The following HDAC9 variants were observed in gnomAD, a reference collection of about 807,000 sequenced individuals.
The protein encoded by HDAC9 is MEF-2 interacting transcription repressor (MITR) protein.
Under a neutral mutation model 139.4 loss-of-function variants are expected in HDAC9, and 41 were observed. The ratio of observed to expected loss-of-function variants is 0.29; its 90% CI spans 0.23 to 0.38. The LOEUF (loss-of-function observed/expected upper bound fraction) is 0.38, where lower values mean the gene tolerates loss of function less well. Ranked by LOEUF, HDAC9 falls within the 10% of genes least tolerant of loss-of-function variation. The probability of loss-of-function intolerance (pLI) is 1.00; values close to 1 mark genes in which losing one functional copy is unlikely to be tolerated. For synonymous variants in HDAC9, 517 were observed against 476.2 expected (o/e 1.09, Z -1.12); for missense variants, 1,147 against 1,297.0 (o/e 0.88, Z 1.78).
intron 16 of HDAC9, among the ~76,000 whole-genome samples, chr7:18,785,002 A>T (rs1297616481): frequency 6.6e-6 from 1 of 151,898 alleles, no homozygotes; most frequent in Non-Finnish European, 1.5e-5. Context: ...TGTTTTGTAT[A>T]GACTCATAAA....
chr7:18,436,363 T>C (rs1035386320), intron 1 of HDAC9, among the ~76,000 whole-genome samples: 3 of 152,158 alleles, frequency 2.0e-5, no homozygotes, highest in Non-Finnish European at 2.9e-5. Context: ...TCTTTGAAAG[T>C]TGGTGTAATC....
chr7:18,676,683 TA>T (rs1334504135), intron 12 of HDAC9, among the ~76,000 whole-genome samples: 1 of 151,972 alleles, frequency 6.6e-6, no homozygotes, highest in Non-Finnish European at 1.5e-5. Context: ...GACAAACTCA[TA>T]AAAATATCCA....
At chr7:18,691,297 T>C (rs1022142616) in intron 12 of HDAC9, among the ~76,000 whole-genome samples, 1 of 152,196 alleles carries the variant, frequency 6.6e-6, no homozygotes, top group Middle Eastern at 3.4e-3. Context: ...ATTTAACATG[T>C]CCTCATTAAT....
chr7:18,614,510 TC>T (rs1162974111), intron 6 of HDAC9, among the ~76,000 whole-genome samples: 1 of 152,182 alleles, frequency 6.6e-6, no homozygotes, highest in Non-Finnish European at 1.5e-5. Flanking sequence ...TATTTTTTTT[TC>T]TTCCATAATG....
chr7:18,578,065 G>T (rs565704525), intron 2 of HDAC9: 14 of 499,684 alleles, frequency 2.8e-5, no homozygotes, highest in African/African-American at 2.7e-4. Context: ...ACTTTTGGGA[G>T]CTAGAATCCC....
At chr7:18,768,901 A>G (rs116636626) in intron 16 of HDAC9, among the ~76,000 whole-genome samples, 73 of 152,286 alleles carry the variant, frequency 4.8e-4, no homozygotes, top group African/African-American at 1.7e-3. Context: ...TATTCAATAA[A>G]CTACATGAGA....
intron 21 of HDAC9, among the ~76,000 whole-genome samples, chr7:18,873,438 T>G (rs1465579884): frequency 6.6e-6 from 1 of 152,186 alleles, no homozygotes; most frequent in Non-Finnish European, 1.5e-5. Flanking sequence ...ATATTTTTAT[T>G]GCATAACTGC....
chr7:18,410,729 G>T (rs1046922256), intron 1 of HDAC9, among the ~76,000 whole-genome samples: 3 of 152,090 alleles, frequency 2.0e-5, no homozygotes, highest in Non-Finnish European at 4.4e-5. Flanking sequence ...CAGGAAAGAA[G>T]AATCATCAAC....
At chr7:18,991,459 A>ACC (rs1785948672) in intron 25 of HDAC9, among the ~76,000 whole-genome samples, 1 of 152,126 alleles carries the variant, frequency 6.6e-6, no homozygotes, top group Admixed American at 6.5e-5. Context: ...AACACGGTGA[A>ACC]ACCCTGTCTC....
At chr7:18,487,061 C>G (rs541968236) in intron 1 of HDAC9, among the ~76,000 whole-genome samples, 15 of 152,116 alleles carry the variant, frequency 9.9e-5, no homozygotes, top group Admixed American at 7.2e-4. Flanking sequence ...GCTTCTATCT[C>G]CCTTCTGTGA....
chr7:18,948,238 A>T (rs528113226), intron 23 of HDAC9, among the ~76,000 whole-genome samples: 1 of 152,192 alleles, frequency 6.6e-6, no homozygotes, highest in East Asian at 1.9e-4. Context: ...AAAAAAAAGA[A>T]AAAGATATCA....
intron 2 of HDAC9, among the ~76,000 whole-genome samples, chr7:18,532,479 A>G (rs1349592909): frequency 6.6e-6 from 1 of 152,056 alleles, no homozygotes; most frequent in Non-Finnish European, 1.5e-5. Flanking sequence ...AATTCCAAAA[A>G]TTAATTTGTT....
At chr7:18,103,464 G>A (rs1481571236) in intron 1 of HDAC9, among the ~76,000 whole-genome samples, 1 of 152,184 alleles carries the variant, frequency 6.6e-6, no homozygotes, top group East Asian at 1.9e-4. Flanking sequence ...CCAATAGGAG[G>A]TTTTTCAGCC....
chr7:18,273,308 A>T (rs1317270787), intron 2 of HDAC9, among the ~76,000 whole-genome samples: 1 of 151,712 alleles, frequency 6.6e-6, no homozygotes, highest in African/African-American at 2.4e-5. Flanking sequence ...GCTTCAGGTG[A>T]TTCTCCCTCC....
chr7:18,981,415 G>A (rs377580826), intron 25 of HDAC9, among the ~76,000 whole-genome samples: 1 of 152,144 alleles, frequency 6.6e-6, no homozygotes, highest in African/African-American at 2.4e-5. Context: ...GTAGAATACT[G>A]CAAATTTAAT....
At chr7:18,216,746 C>A (rs1792343141) in intron 2 of HDAC9, among the ~76,000 whole-genome samples, 1 of 152,160 alleles carries the variant, frequency 6.6e-6, no homozygotes, top group Non-Finnish European at 1.5e-5. Context: ...TGTATTTCAT[C>A]TAGCATTTTT....
chr7:18,255,051 G>T (rs1473184535), intron 2 of HDAC9, among the ~76,000 whole-genome samples: 1 of 152,238 alleles, frequency 6.6e-6, no homozygotes, highest in South Asian at 2.1e-4. Context: ...AACAAGCAAA[G>T]AACCCTTTTT....
chr7:18,762,065 C>A, intron 14 of HDAC9, 92 bp from the exon 15 acceptor site: 2 of 1,323,774 alleles, frequency 1.5e-6, no homozygotes, highest in Non-Finnish European at 2.1e-6. Context: ...GAAATTCAGC[C>A]CATTATTAAT....
intron 1 of HDAC9, among the ~76,000 whole-genome samples, chr7:18,423,466 G>T (rs1789828751): frequency 6.6e-6 from 1 of 152,184 alleles, no homozygotes; most frequent in African/African-American, 2.4e-5. Flanking sequence ...TGGCTTAAAA[G>T]AATAGATTTA....
Sources: allele counts gnomAD v4.1 joint callset (sites outside exome capture counted in the v4.1 genomes callset), GRCh38; gene constraint gnomAD v4.1.1; transcripts MANE v1.5; gene names NCBI Gene and HGNC (gene_info 2026-07-23, HGNC 2026-07-21).